GRAMD2B: variants seen among roughly 807,000 people sequenced by gnomAD.
GRAMD2B encodes the protein GRAM domain containing 2B.
Under a neutral mutation model 59.2 loss-of-function variants are expected in GRAMD2B, and 41 were observed. The ratio of observed to expected loss-of-function variants is 0.69; its 90% confidence interval spans 0.54 to 0.90. GRAMD2B has a LOEUF of 0.90. Among genes scored for constraint, GRAMD2B ranks in the 40% least tolerant of loss-of-function variants. The pLI is 0.00. For missense variants in GRAMD2B, 424 were observed against 500.5 expected, an observed-to-expected ratio of 0.85 and a Z score of 1.46; for synonymous variants, 161 against 182.7, an observed-to-expected ratio of 0.88 and a Z score of 0.96.
chr5:126,424,712 C>G (rs1429258561), intron 1 of GRAMD2B, among the ~76,000 whole-genome samples: 1 of 152,170 alleles, frequency 6.6e-6, no homozygotes, highest in Non-Finnish European at 1.5e-5. Flanking sequence ...TCACCTAGAG[C>G]CTTAGCCTCC....
chr5:126,447,741 T>C (rs1230942827), intron 1 of GRAMD2B, among the ~76,000 whole-genome samples: 1 of 152,076 alleles, frequency 6.6e-6, no homozygotes, highest in Admixed American at 6.5e-5. Context: ...ATGAAGTCCT[T>C]AAGGTAAATG....
intron 1 of GRAMD2B, among the ~76,000 whole-genome samples, chr5:126,447,671 G>GAAAAAAAAAA (rs113356500): frequency 8.3e-6 from 1 of 120,172 alleles, no homozygotes; most frequent in African/African-American, 2.9e-5. Flanking sequence ...CTCAAAAAAA[G>GAAAAAAAAAA]AAAAAAAAAA....
chr5:126,417,763 G>A (rs1759382701), intron 1 of GRAMD2B, among the ~76,000 whole-genome samples: 1 of 152,174 alleles, frequency 6.6e-6, no homozygotes, highest in South Asian at 2.1e-4. Flanking sequence ...AGGTCCTTGG[G>A]CTTTCTCTCC....
At position 126,443,663 on chromosome 5, in the gene GRAMD2B, C is replaced by T. The variant is rs568312626; in HGVS notation, c.83+19974C>T. Among the ~76,000 whole-genome samples, 1,185 of 152,352 alleles carry T rather than the reference C, an allele frequency of 7.8e-3. 21 individuals carry two copies. Among genetic ancestry groups the T allele is most frequent in the African/African-American group, 0.027 (1,134 of 41,582 alleles). On this transcript the variant is annotated intron_variant, in intron 1 of 13. Coordinates refer to ENST00000285689, the MANE Select transcript of GRAMD2B (RefSeq NM_023927.4). The stretch of plus-strand genomic sequence containing the variant: ...AGTTTTCTGTCTTTTCTCAGTAAAA[C>T]TGGCTTTCTCTCAGCTGTGATGGAA...
In GRAMD2B at chr5:126,409,655, G is replaced by C. The variant is rs188179626; in HGVS notation, c.125+38088G>C. Among the ~76,000 whole-genome samples, 659 of 152,148 alleles carry C rather than the reference G, an allele frequency of 4.3e-3. 5 individuals carry two copies. The highest frequency in any genetic ancestry group is 0.015 in the African/African-American group (628 of 41,498). On this transcript the variant is annotated intron_variant, in intron 1 of 8. Coordinates refer to the GRAMD2B transcript ENST00000506445. ...TTGTAGGTTGCCTGTTCACTCTGAT[G>C]GTAGTGTCTTTTGCTGTGCAGAAGC...
At chr5:126,365,873 G>T (rs955761678) in intron 1 of GRAMD2B, among the ~76,000 whole-genome samples, 1 of 152,132 alleles carries the variant, frequency 6.6e-6, no homozygotes, top group Non-Finnish European at 1.5e-5. Context: ...ACTTACCCAA[G>T]CTGGTGGATA....
At chr5:126,430,434 G>A (rs1156387183) in intron 1 of GRAMD2B, among the ~76,000 whole-genome samples, 1 of 152,096 alleles carries the variant, frequency 6.6e-6, no homozygotes, top group Non-Finnish European at 1.5e-5. Context: ...ACATTACCAA[G>A]TGATGCACCA....
intron 6 of GRAMD2B, 147 bp from the exon 7 acceptor site, chr5:126,480,309 T>C (rs777802251): frequency 1.0e-5 from 6 of 588,466 alleles, no homozygotes; most frequent in East Asian, 2.8e-5. Context: ...AATGGAATGT[T>C]TGAGTGAGAG....
intron 1 of GRAMD2B, among the ~76,000 whole-genome samples, chr5:126,449,507 A>G (rs781152685): frequency 5.1e-5 from 7 of 137,448 alleles, no homozygotes; most frequent in Non-Finnish European, 9.5e-5. Flanking sequence ...TGAAATACTA[A>G]AACTATACTC....
At chr5:126,475,051 C>T (rs1770313808) in intron 5 of GRAMD2B, among the ~76,000 whole-genome samples, 1 of 152,214 alleles carries the variant, frequency 6.6e-6, no homozygotes, top group African/African-American at 2.4e-5. Flanking sequence ...AACAATTGCT[C>T]TACAACGGGA....
intron 5 of GRAMD2B, among the ~76,000 whole-genome samples, chr5:126,475,703 C>A (rs373682112): frequency 6.6e-6 from 1 of 152,196 alleles, no homozygotes; most frequent in African/African-American, 2.4e-5. Flanking sequence ...CAGTGGCTCA[C>A]GCCTGTAATC....
intron 1 of GRAMD2B, among the ~76,000 whole-genome samples, chr5:126,385,769 G>A (rs568398312): frequency 6.6e-6 from 1 of 152,328 alleles, no homozygotes; most frequent in East Asian, 1.9e-4. Context: ...TACTGGGAAA[G>A]TAGAGTAGAA....
chr5:126,466,220 G>C (rs544621744), intron 2 of GRAMD2B: 4 of 1,542,090 alleles, frequency 2.6e-6, no homozygotes, highest in Middle Eastern at 1.7e-4. Context: ...TTTGAGAACT[G>C]CTACCTTCTA....
At chr5:126,481,925 G>A (rs996421156) in intron 8 of GRAMD2B, among the ~76,000 whole-genome samples, 14 of 149,474 alleles carry the variant, frequency 9.4e-5, no homozygotes, top group African/African-American at 2.5e-4. Flanking sequence ...CCGAGATCAC[G>A]CCGCTGTACT....
In GRAMD2B at chr5:126,467,308, TATTA is replaced by T. The variant is rs764594891; in HGVS notation, c.203+1774_203+1777del. On this transcript the variant is annotated intron_variant, in intron 2 of 13. Coordinates refer to ENST00000285689, the MANE Select transcript of GRAMD2B (RefSeq NM_023927.4). ...TTAATTAATAATTTTTACTTGTTTTTATTAATTAATTAATAATTTTTATATAAAG... is the reference window on the plus strand; with the variant it reads ...TTAATTAATAATTTTTACTTGTTTTTATTAATTAATAATTTTTATATAAAG... 294 of 152,108 alleles carry T rather than the reference TATTA, an allele frequency of 1.9e-3. 2 individuals are homozygous for T. The highest frequency in any genetic ancestry group is 6.9e-3 in the African/African-American group (285 of 41,546). The allele number at this position is 152,108 out of a possible 1,614,324, so 9.4% of individuals were successfully genotyped here.
In GRAMD2B at chr5:126,468,839, C is replaced by T. The variant is rs746445788; in HGVS notation, c.204-838C>T. On this transcript the variant is annotated intron_variant, in intron 2 of 13. Transcript: ENST00000285689. ...TAGACTTATTGGCTCCATACCTTCT[C>T]CTAACTCCTATAATATGTATTTTTT... Among the ~76,000 whole-genome samples the T allele has an allele frequency of 3.0e-4, 45 of 152,104 alleles. 1 individual carries two copies. Among genetic ancestry groups the T allele is most frequent in the Non-Finnish European group, 1.2e-4 (8 of 68,016 alleles).
intron 8 of GRAMD2B, 112 bp downstream of exon 8, chr5:126,480,819 T>C (rs1771582118): frequency 1.2e-6 from 1 of 843,642 alleles, no homozygotes; most frequent in South Asian, 1.5e-5. Flanking sequence ...CCAAAATATT[T>C]GAGGTACAGT....
intron 1 of GRAMD2B, among the ~76,000 whole-genome samples, chr5:126,452,939 T>G (rs79255659): frequency 1.3e-5 from 2 of 152,334 alleles, no homozygotes; most frequent in East Asian, 3.9e-4. Context: ...AAGCTTTTCA[T>G]TCTAGTTAAA....
At chr5:126,381,028 G>A (rs933569279) in intron 1 of GRAMD2B, among the ~76,000 whole-genome samples, 1 of 152,104 alleles carries the variant, frequency 6.6e-6, no homozygotes, top group Non-Finnish European at 1.5e-5. Flanking sequence ...TATAATGTTG[G>A]CTGGTGTTTG....
Sources: allele counts gnomAD v4.1 joint callset (sites outside exome capture counted in the v4.1 genomes callset), GRCh38; gene constraint gnomAD v4.1.1; transcripts MANE v1.5; gene names NCBI Gene and HGNC (gene_info 2026-07-23, HGNC 2026-07-21).